RBFOX1: variants seen among roughly 807,000 people sequenced by gnomAD.
The protein encoded by RBFOX1 is RNA binding protein fox-1 homolog 1.
Under a neutral mutation model 57.7 loss-of-function variants are expected in RBFOX1, and 8 were observed. The ratio of observed to expected loss-of-function variants is 0.14; its 90% CI spans 0.08 to 0.25. The LOEUF (loss-of-function observed/expected upper bound fraction) is 0.25, where lower values mean the gene tolerates loss of function less well. RBFOX1 is among the 10% of genes least tolerant of loss of function. The pLI, the probability that RBFOX1 is intolerant of heterozygous loss-of-function variation, is 1.00. For missense variants in RBFOX1, 611 were observed against 548.5 expected (o/e 1.11, Z -1.14); for synonymous variants, 326 against 222.4 (o/e 1.47, Z -4.15).
chr16:6,978,463 T>C (rs577710125), intron 3 of RBFOX1, among the ~76,000 whole-genome samples: 5 of 152,332 alleles, frequency 3.3e-5, no homozygotes, highest in African/African-American at 1.2e-4. Flanking sequence ...TATTTACTTA[T>C]TACGTTTTCA....
At chr16:6,295,663 G>T (rs577043916) in intron 1 of RBFOX1, among the ~76,000 whole-genome samples, 367 of 152,308 alleles carry the variant, frequency 2.4e-3, no homozygotes, top group Non-Finnish European at 4.2e-3. Flanking sequence ...CATGTCCAAT[G>T]ACTGGAATGA....
chr16:6,512,299 A>AAAAAAAAAAAAAAAAAAAAAAAAAAT, intron 2 of RBFOX1, among the ~76,000 whole-genome samples: 1 of 145,934 alleles, frequency 6.9e-6, no homozygotes, highest in Admixed American at 6.8e-5. Context: ...AAAAAAAAAA[A>AAAAAAAAAAAAAAAAAAAAAAAAAAT]GGTAAGAGAA....
chr16:6,840,897 A>AAAAAAAAAAAAAG (rs751671784), intron 3 of RBFOX1, among the ~76,000 whole-genome samples: 1 of 137,500 alleles, frequency 7.3e-6, no homozygotes, highest in African/African-American at 2.8e-5. Flanking sequence ...CAAAAAAAAA[A>AAAAAAAAAAAAAG]AAAAAAACGA....
intron 4 of RBFOX1, among the ~76,000 whole-genome samples, chr16:7,256,232 C>A (rs914404390): frequency 6.6e-6 from 1 of 152,156 alleles, no homozygotes; most frequent in Non-Finnish European, 1.5e-5. Flanking sequence ...CCTTGCCTTC[C>A]AGCTCTGTAA....
At chr16:6,644,542 C>G (rs186977457) in intron 2 of RBFOX1, among the ~76,000 whole-genome samples, 1 of 152,144 alleles carries the variant, frequency 6.6e-6, no homozygotes, top group Non-Finnish European at 1.5e-5. Flanking sequence ...CTTAAGCTGT[C>G]CTGTATTTCC....
chr16:5,373,589 C>T (rs539446673), intron 1 of RBFOX1, among the ~76,000 whole-genome samples: 5 of 152,014 alleles, frequency 3.3e-5, no homozygotes, highest in African/African-American at 9.7e-5. Flanking sequence ...GAACCGTGAG[C>T]CAGTTAAACG....
intron 3 of RBFOX1, among the ~76,000 whole-genome samples, chr16:6,843,168 CAA>C (rs2141577214): frequency 6.6e-6 from 1 of 152,158 alleles, no homozygotes; most frequent in African/African-American, 2.4e-5. Flanking sequence ...ATTCTCTGAG[CAA>C]AGTTTTCTAT....
intron 1 of RBFOX1, among the ~76,000 whole-genome samples, chr16:6,201,078 T>C (rs936394425): frequency 2.6e-5 from 4 of 152,160 alleles, no homozygotes; most frequent in African/African-American, 9.7e-5. Flanking sequence ...GTGTCTGGCT[T>C]ATTTCGCTTA....
Position 7,249,512 on chromosome 16 carries a change from C to T in RBFOX1, c.27+197414C>T, listed in dbSNP as rs570615821. On this transcript the variant is annotated intron_variant, in intron 4 of 15. Coordinates refer to ENST00000550418, the MANE Select transcript of RBFOX1 (RefSeq NM_018723.4). ...TTCTCTGTCTTTCTCTCTGACTTCC[C>T]ACATTGTATATCAACTGTTTATATG... Among the ~76,000 whole-genome samples, 10 of 151,896 alleles carry T rather than the reference C, an allele frequency of 6.6e-5. No homozygotes were observed. In the East Asian group the frequency reaches 1.4e-3, roughly 21 times the overall value.
At chr16:5,943,394 A>G (rs1388772124) in intron 4 of RBFOX1, among the ~76,000 whole-genome samples, 1 of 152,332 alleles carries the variant, frequency 6.6e-6, no homozygotes, top group East Asian at 1.9e-4. Context: ...CCCTGGGTCC[A>G]CATACCCAGG....
At chr16:7,147,719 T>C (rs1333047362) in intron 4 of RBFOX1, among the ~76,000 whole-genome samples, 1 of 152,204 alleles carries the variant, frequency 6.6e-6, no homozygotes, top group South Asian at 2.1e-4. Context: ...CTATCTGCCA[T>C]TGATGGGTAT....
chr16:6,723,785 C>G (rs1474145622), intron 3 of RBFOX1: 1 of 151,996 alleles, frequency 6.6e-6, no homozygotes, highest in African/African-American at 2.4e-5. Flanking sequence ...CTCCCCTAGA[C>G]TTCTGGAGAG....
At chr16:6,004,488 C>T (rs555382280) in intron 4 of RBFOX1, among the ~76,000 whole-genome samples, 151 of 152,294 alleles carry the variant, frequency 9.9e-4, no homozygotes, top group African/African-American at 3.2e-3. Flanking sequence ...ATGCCTGATG[C>T]AATACTTGGC....
At chr16:6,664,667 C>G (rs537751586) in intron 3 of RBFOX1, among the ~76,000 whole-genome samples, 2 of 152,294 alleles carry the variant, frequency 1.3e-5, no homozygotes, top group African/African-American at 4.8e-5. Flanking sequence ...ATTATGAATC[C>G]AGTGTCTGAA....
intron 2 of RBFOX1, among the ~76,000 whole-genome samples, chr16:5,578,466 GA>G (rs2046543908): frequency 1.3e-5 from 2 of 152,112 alleles, no homozygotes; most frequent in African/African-American, 4.8e-5. Context: ...AGCCCACCAG[GA>G]AAAACCCCAT....
At chr16:7,647,460 A>G (rs1010575008) in intron 11 of RBFOX1, among the ~76,000 whole-genome samples, 2 of 152,110 alleles carry the variant, frequency 1.3e-5, no homozygotes, top group Non-Finnish European at 1.5e-5. Context: ...AAGGATTTAT[A>G]CTATATCCAC....
intron 3 of RBFOX1, among the ~76,000 whole-genome samples, chr16:6,844,059 G>GTC (rs1459635552): frequency 6.6e-6 from 1 of 151,438 alleles, no homozygotes; most frequent in Non-Finnish European, 1.5e-5. Flanking sequence ...CTCTTTCTCT[G>GTC]TCTCTCTCTC....
At chr16:6,526,857 A>AAAAAAAAACAAC (rs1567560941) in intron 2 of RBFOX1, among the ~76,000 whole-genome samples, 4 of 130,352 alleles carry the variant, frequency 3.1e-5, no homozygotes, top group African/African-American at 1.5e-4. Context: ...AAAAAAAAAA[A>AAAAAAAAACAAC]AACAACCAGA....
intron 1 of RBFOX1, among the ~76,000 whole-genome samples, chr16:6,120,170 A>G (rs1230909994): frequency 6.6e-6 from 1 of 152,124 alleles, no homozygotes; most frequent in Non-Finnish European, 1.5e-5. Flanking sequence ...TAGACTATGT[A>G]TTTATCCGTT....
Sources: allele counts gnomAD v4.1 joint callset (sites outside exome capture counted in the v4.1 genomes callset), GRCh38; gene constraint gnomAD v4.1.1; transcripts MANE v1.5; gene names NCBI Gene and HGNC (gene_info 2026-07-23, HGNC 2026-07-21).